The following DNAH9 variants were observed in gnomAD, a reference collection of about 807,000 sequenced individuals.
The protein encoded by DNAH9 is DNAH9 variant protein.
DNAH9 carries 345 observed loss-of-function variants against 471.6 expected under a neutral mutation model. The observed-to-expected ratio is 0.73, with a 90% CI of 0.67 to 0.80. DNAH9 has a LOEUF of 0.80. Among genes scored for constraint, DNAH9 ranks in the 30% least tolerant of loss-of-function variants. The pLI, the probability that DNAH9 is intolerant of heterozygous loss-of-function variation, is 0.00. For missense variants in DNAH9, 5,407 were observed against 5,609.2 expected, an observed-to-expected ratio of 0.96 and a Z score of 1.15; for synonymous variants, 2,093 against 2,123.6, an observed-to-expected ratio of 0.99 and a Z score of 0.40.
chr17:11,768,365 C>G, intron 36 of DNAH9, 88 bp from the exon 37 acceptor site: 1 of 1,371,982 alleles, frequency 7.3e-7, no homozygotes, highest in Non-Finnish European at 1.0e-6. Flanking sequence ...GTTGTCCTGC[C>G]CTGACCTTCT....
rs2073939042 is a variant in DNAH9, at chr17:11,669,436, A to G, written c.2995A>G (p.Met999Val). Reference sequence around the variant, plus strand: ...CACACTCATGGAGAGAGTCCAGAGAATGATGGGCCTCTGCTGTGGCTATCA... The same window carrying G: ...CACACTCATGGAGAGAGTCCAGAGAGTGATGGGCCTCTGCTGTGGCTATCA... ...RRTLMERVQR[M>V]MGLCCGYQST... The change falls in exon 17 of 69, where the codon ATG becomes GTG. Residue 999 changes from methionine to valine, a missense_variant. Around this residue, in one of 3 missense-constraint regions of DNAH9, gnomAD observed 4,636 missense variants for 4,900.3 expected, o/e 0.95. Coordinates refer to ENST00000262442, the MANE Select transcript of DNAH9 (RefSeq NM_001372.4). 6.2e-7 allele frequency: 1 copy of G among 1,614,044 alleles called. No homozygotes were observed. The highest frequency in any genetic ancestry group is 8.5e-7 in the Non-Finnish European group (1 of 1,180,028).
chr17:11,672,154 A>G lies in DNAH9; in HGVS notation c.3353+2360A>G, dbSNP rs561287950. On this transcript the variant is annotated intron_variant, in intron 17 of 68. Transcript: ENST00000262442. ...AATCCCACCTTATGTTGCATTTTAGATACTTCATTCACTGCCAGAAGTCCA... is the reference window on the plus strand; with the variant it reads ...AATCCCACCTTATGTTGCATTTTAGGTACTTCATTCACTGCCAGAAGTCCA... 8.0e-4 allele frequency among the ~76,000 whole-genome samples: 122 copies of G among 152,276 alleles called. 1 individual carries two copies. In the Middle Eastern group the frequency reaches 0.01, roughly 13 times the overall value.
intron 49 of DNAH9, among the ~76,000 whole-genome samples, chr17:11,842,121 A>G (rs62060907): frequency 0.38 from 57,761 of 151,976 alleles, 12,031 homozygotes; most frequent in Non-Finnish European, 0.48. Flanking sequence ...AAATCAAATA[A>G]TTTGGGGAAT....
At chr17:11,903,771 C>A (rs11870405) in intron 60 of DNAH9, among the ~76,000 whole-genome samples, 1 of 152,048 alleles carries the variant, frequency 6.6e-6, no homozygotes, top group African/African-American at 2.4e-5. Flanking sequence ...ATTAGCTGGG[C>A]GTGGTGGCGC....
At chr17:11,942,618 G>C in intron 67 of DNAH9, 133 bp downstream of exon 67, 1 of 879,946 alleles carries the variant, frequency 1.1e-6, no homozygotes, top group East Asian at 2.7e-5. Flanking sequence ...GTGCCCAAAA[G>C]TCATCACTCC....
chr17:11,822,086 G>A, intron 46 of DNAH9, 24 bp downstream of exon 46: 1 of 1,600,618 alleles, frequency 6.2e-7, no homozygotes, highest in Non-Finnish European at 8.5e-7. Flanking sequence ...ACTGACAGGG[G>A]CAGGCAGAGA....
intron 14 of DNAH9, among the ~76,000 whole-genome samples, chr17:11,658,507 T>G (rs555965154): frequency 7.9e-5 from 12 of 152,262 alleles, no homozygotes; most frequent in African/African-American, 2.6e-4. Context: ...TTTTTTCTTT[T>G]TGGCCTTATT....
chr17:11,703,432 A>T (rs2074638868), intron 24 of DNAH9, among the ~76,000 whole-genome samples: 1 of 152,144 alleles, frequency 6.6e-6, no homozygotes, highest in Non-Finnish European at 1.5e-5. Flanking sequence ...GAGACAAGAG[A>T]ATGTGTTGCC....
chr17:11,654,916 C>T (rs934108095), intron 14 of DNAH9, among the ~76,000 whole-genome samples: 1 of 152,084 alleles, frequency 6.6e-6, no homozygotes, highest in Non-Finnish European at 1.5e-5. Context: ...TACACAACCT[C>T]CAGGGTAGTC....
At chr17:11,878,427 A>G (rs868141820) in intron 53 of DNAH9, among the ~76,000 whole-genome samples, 16 of 152,020 alleles carry the variant, frequency 1.1e-4, no homozygotes, top group Admixed American at 2.6e-4. Context: ...AGTTCATTTT[A>G]TTTTAGTTTT....
At chr17:11,866,496 G>T (rs1366160262) in intron 50 of DNAH9, among the ~76,000 whole-genome samples, 1 of 152,220 alleles carries the variant, frequency 6.6e-6, no homozygotes, top group Non-Finnish European at 1.5e-5. Context: ...GAGGCAGTCT[G>T]CCCGTTCTCA....
At chr17:11,885,961 A>G (rs1972864904) in intron 56 of DNAH9, among the ~76,000 whole-genome samples, 1 of 152,228 alleles carries the variant, frequency 6.6e-6, no homozygotes, top group Non-Finnish European at 1.5e-5. Context: ...GTTTGCTTTT[A>G]GAAGCATAGT....
At chr17:11,646,310 T>C (rs1360237995) in intron 11 of DNAH9, among the ~76,000 whole-genome samples, 3 of 152,106 alleles carry the variant, frequency 2.0e-5, no homozygotes, top group African/African-American at 7.2e-5. Flanking sequence ...TACATTTCTT[T>C]AGGATTGCAG....
intron 22 of DNAH9, among the ~76,000 whole-genome samples, chr17:11,694,724 C>T (rs7208156): frequency 0.021 from 122 of 5,754 alleles, 48 homozygotes; most frequent in African/African-American, 0.027. Flanking sequence ...CTCTCTCTCT[C>T]TCTTTCTCTT....
At chr17:11,938,198 A>G (rs1974775220) in intron 66 of DNAH9, among the ~76,000 whole-genome samples, 1 of 151,988 alleles carries the variant, frequency 6.6e-6, no homozygotes, top group Non-Finnish European at 1.5e-5. Flanking sequence ...TGGGCCTCAC[A>G]CCTGTAATCC....
rs374585298 is a variant in DNAH9, at chr17:11,733,810, G to A, written c.5815-5070G>A. On this transcript the variant is annotated intron_variant, in intron 28 of 68. Transcript: ENST00000262442. The stretch of plus-strand genomic sequence containing the variant: ...CGGGAGGTGGAGCTTGCAGTGAGCC[G>A]AGATCGTGCCACTACACTCCAGCCT... Among the ~76,000 whole-genome samples the A allele has an allele frequency of 2.9e-4, 42 of 142,770 alleles. No homozygotes were observed. The South Asian group carries it at 5.0e-3, about 17-fold the overall frequency. The allele number at this position is 142,770 out of a possible 152,430, so 93.7% of individuals were successfully genotyped here.
At position 11,599,415 on chromosome 17, in the gene DNAH9, A is replaced by G. The variant is rs565924593; in HGVS notation, c.417+500A>G. Reference sequence around the variant, plus strand: ...GGCTATAAACAGTGCCTACTTCTGGAGAGCAGTTAAATGGGAGGGGGAGGT... The same window carrying G: ...GGCTATAAACAGTGCCTACTTCTGGGGAGCAGTTAAATGGGAGGGGGAGGT... On this transcript the variant is annotated intron_variant, in intron 1 of 68. Transcript: ENST00000262442. Among the ~76,000 whole-genome samples, 7 of 152,258 alleles carry G rather than the reference A, an allele frequency of 4.6e-5. No homozygotes were observed. In the East Asian group the frequency reaches 1.4e-3, roughly 29 times the overall value.
chr17:11,852,765 G>C, intron 49 of DNAH9, among the ~76,000 whole-genome samples: 1 of 143,556 alleles, frequency 7.0e-6, no homozygotes, highest in East Asian at 2.1e-4. Flanking sequence ...GAAGTGCATG[G>C]CAACCGGCAG....
rs761341705 is a variant in DNAH9, at chr17:11,854,043, T to C, written c.9548T>C (p.Leu3183Pro). The C allele has an allele frequency of 2.8e-5, 45 of 1,614,178 alleles. No individual in the cohort carries two copies. In the East Asian group the frequency reaches 8.9e-4, roughly 32 times the overall value. The change falls in exon 50 of 69, where the codon CTG becomes CCG. Residue 3183 changes from leucine (L) to proline (P), a missense_variant. Physicochemically the swap from Leu to Pro is moderately conservative, Grantham distance 98 (BLOSUM62 -3). Coordinates refer to ENST00000262442, the MANE Select transcript of DNAH9 (RefSeq NM_001372.4). ...CTGAAGTCATTTGGCTCTCCGCCTC[T>C]GGCCGTCAGCAATGTCAGCGCTGCG... is the stretch of plus-strand genomic sequence containing the variant. Reference protein sequence around the residue: ...TELKSFGSPPLAVSNVSAAVM... With the variant: ...TELKSFGSPPPAVSNVSAAVM...
Sources: allele counts gnomAD v4.1 joint callset (sites outside exome capture counted in the v4.1 genomes callset), GRCh38; gene constraint gnomAD v4.1.1; regional missense constraint gnomAD v4.1.1; transcripts MANE v1.5; gene names NCBI Gene and HGNC (gene_info 2026-07-23, HGNC 2026-07-21).